Variants in SENP1 observed in about 807,000 individuals in gnomAD.
SENP1 encodes sentrin-specific protease 1.
A neutral mutation model predicts 93.0 loss-of-function variants in SENP1; 21 were observed. The observed-to-expected ratio is 0.23, with a 90% CI of 0.16 to 0.33. SENP1 has a LOEUF of 0.33. SENP1 is among the 10% of genes least tolerant of loss of function. The probability of loss-of-function intolerance (pLI) is 1.00; values close to 1 mark genes in which losing one functional copy is unlikely to be tolerated. For missense variants in SENP1, 591 were observed against 758.7 expected (o/e 0.78, Z 2.60); for synonymous variants, 256 against 259.6 (o/e 0.99, Z 0.13).
intron 4 of SENP1, among the ~76,000 whole-genome samples, chr12:48,094,475 T>C (rs1404704228): frequency 6.6e-6 from 1 of 151,292 alleles, no homozygotes; most frequent in Non-Finnish European, 1.5e-5. Flanking sequence ...AGGTCAGGAG[T>C]TCGAGAACAA....
intron 4 of SENP1, among the ~76,000 whole-genome samples, chr12:48,094,952 G>A (rs1945455448): frequency 6.6e-6 from 1 of 152,072 alleles, no homozygotes; most frequent in Admixed American, 6.6e-5. Flanking sequence ...CCAGATTTCA[G>A]ACTCTGTTCA....
chr12:48,055,105 G>A lies in SENP1; in HGVS notation c.1408-5973C>T, dbSNP rs984585885. ...GTCGCCGTGGTATTTTCTTTTAGCCGTGGCAGTCCAGTTACACTTTCTCTT... is the reference window on the plus strand; with the variant it reads ...GTCGCCGTGGTATTTTCTTTTAGCCATGGCAGTCCAGTTACACTTTCTCTT... On this transcript the variant is annotated intron_variant, in intron 13 of 17. Coordinates refer to ENST00000549518, the MANE Select transcript of SENP1 (RefSeq NM_001267594.2). 10 of 230,068 alleles carry A rather than the reference G, an allele frequency of 4.3e-5. 1 individual carries two copies. Among genetic ancestry groups the A allele is most frequent in the East Asian group, 1.0e-4 (1 of 9,794 alleles). The allele number at this position is 230,068 out of a possible 1,614,324, so 14.3% of individuals were successfully genotyped here.
At chr12:48,069,435 T>C (rs1023705587) in intron 9 of SENP1, among the ~76,000 whole-genome samples, 1 of 152,150 alleles carries the variant, frequency 6.6e-6, no homozygotes, top group African/African-American at 2.4e-5. Flanking sequence ...CAAACAGCCT[T>C]ACCCAACAGA....
rs147012663 is a variant in SENP1 at position 48,095,393 on chromosome 12, G to A, written c.220+950C>T. On this transcript the variant is annotated intron_variant, in intron 4 of 17. Coordinates refer to ENST00000549518, the MANE Select transcript of SENP1 (RefSeq NM_001267594.2). ...TCTACTAAAATTACAAAATTTAGCC[G>A]GGCGTGGTGGTGGGTGTCTGCAATC... Among the ~76,000 whole-genome samples, 1,460 of 151,946 alleles carry A rather than the reference G, an allele frequency of 9.6e-3. 27 individuals are homozygous for A. The highest frequency in any genetic ancestry group is 0.034 in the African/African-American group (1,397 of 41,436).
intron 13 of SENP1, 99 bp from the exon 14 acceptor site, chr12:48,049,231 A>G (rs1315498181): frequency 5.9e-6 from 5 of 845,272 alleles, no homozygotes; most frequent in African/African-American, 1.7e-5. Flanking sequence ...ATTGTTTCCT[A>G]ATAAACTGAA....
intron 6 of SENP1, among the ~76,000 whole-genome samples, chr12:48,077,900 T>C (rs538151796): frequency 6.6e-6 from 1 of 152,320 alleles, no homozygotes; most frequent in African/African-American, 2.4e-5. Context: ...CTGCTCATAA[T>C]TGCCTTGGCT....
intron 13 of SENP1, among the ~76,000 whole-genome samples, chr12:48,057,211 A>G (rs1942602728): frequency 7.2e-6 from 1 of 139,764 alleles, no homozygotes; most frequent in Non-Finnish European, 1.5e-5. Context: ...TATATTATTT[A>G]TTATATATAA....
At chr12:48,066,508 G>T (rs1452826912) in intron 10 of SENP1, among the ~76,000 whole-genome samples, 1 of 150,520 alleles carries the variant, frequency 6.6e-6, no homozygotes, top group Non-Finnish European at 1.5e-5. Context: ...GTATAAACAG[G>T]CACTTCTTTT....
intron 2 of SENP1, among the ~76,000 whole-genome samples, chr12:48,099,602 T>C (rs1356223149): frequency 1.3e-5 from 2 of 152,100 alleles, no homozygotes; most frequent in African/African-American, 4.8e-5. Context: ...GATCACTTAC[T>C]TGAGGCCAGG....
chr12:48,046,875 G>T lies in SENP1; in HGVS notation c.1776+103C>A. Reference sequence around the variant, plus strand: ...AACCAACCAACCAAGCTGAAGTCAGGCTAGACACGAACACAGGTGGTCCCT... The same window carrying T: ...AACCAACCAACCAAGCTGAAGTCAGTCTAGACACGAACACAGGTGGTCCCT... On this transcript the variant is annotated intron_variant, in intron 16 of 17. Transcript: ENST00000549518. The T allele has an allele frequency of 5.5e-6, 4 of 727,114 alleles. No individual in the cohort carries two copies. The South Asian group carries it at 7.0e-5, about 13-fold the overall frequency. 45.0% of individuals were successfully genotyped at this position (727,114 alleles called of 1,614,324 possible).
intron 4 of SENP1, among the ~76,000 whole-genome samples, chr12:48,094,445 C>T (rs76442529): frequency 0.23 from 34,503 of 151,852 alleles, 4,573 homozygotes; most frequent in East Asian, 0.55. Context: ...TCTGGGAGGC[C>T]GAGGCAGGTG....
intron 10 of SENP1, 61 bp downstream of exon 10, chr12:48,066,866 G>T: frequency 2.3e-6 from 3 of 1,302,994 alleles, no homozygotes; most frequent in East Asian, 5.0e-5. Flanking sequence ...CTAATTGTTT[G>T]ATTTCTTCTA....
At chr12:48,066,573 G>A (rs190368051) in intron 10 of SENP1, among the ~76,000 whole-genome samples, 2 of 150,728 alleles carry the variant, frequency 1.3e-5, no homozygotes, top group Non-Finnish European at 2.9e-5. Context: ...GTGCAGTGGC[G>A]TGATCTCGGC....
chr12:48,077,956 T>A (rs554580756), intron 6 of SENP1, among the ~76,000 whole-genome samples: 1 of 152,142 alleles, frequency 6.6e-6, no homozygotes, highest in Admixed American at 6.6e-5. Flanking sequence ...TTTTTTTCTA[T>A]GAAAAATAAC....
intron 14 of SENP1, 65 bp from the exon 15 acceptor site, chr12:48,048,145 C>A: frequency 9.9e-7 from 1 of 1,014,180 alleles, no homozygotes; most frequent in Non-Finnish European, 1.5e-6. Flanking sequence ...CAGTTTTTCC[C>A]TTCCCTGCCC....
At chr12:48,078,117 G>A (rs1262279085) in intron 6 of SENP1, among the ~76,000 whole-genome samples, 1 of 151,300 alleles carries the variant, frequency 6.6e-6, no homozygotes, top group Non-Finnish European at 1.5e-5. Context: ...ATGTTTTTCA[G>A]TATGTAGGTC....
rs1261271444 is a variant in SENP1, at chr12:48,071,668, T to C, written c.994A>G (p.Ser332Gly). 6.3e-7 allele frequency: 1 copy of C among 1,598,236 alleles called. No homozygotes were observed. The highest frequency in any genetic ancestry group is 8.6e-7 in the Non-Finnish European group (1 of 1,166,612). Reference protein sequence around the residue: ...KVKDSQTPTPSSTFFQAELWI... With the variant: ...KVKDSQTPTPGSTFFQAELWI... ...GAACAAGCTTTTTCCAAAGTTTACC[T>C]GGGAGTTGGAGTCTGGGAATCTTTC... is the stretch of plus-strand genomic sequence containing the variant. The change falls in exon 9 of 18, where the codon AGT becomes GGT. Residue 332 changes from serine (S) to glycine (G), a missense_variant and splice_region_variant. By Grantham distance (56) the Ser-to-Gly change is moderately conservative. Around this residue, in one of 4 missense-constraint regions of SENP1, gnomAD observed 238 missense variants for 259.1 expected, o/e 0.92. Transcript: ENST00000549518.
At position 48,083,693 on chromosome 12, in the gene SENP1, A is replaced by C. The variant is rs372268081; in HGVS notation, c.450T>G (p.Phe150Leu). 221 of 1,613,374 alleles carry C rather than the reference A, an allele frequency of 1.4e-4. No individual in the cohort carries two copies. The highest frequency in any genetic ancestry group is 1.8e-4 in the Non-Finnish European group (209 of 1,179,626). ...HCHVSAYEKS[F>L]PIKPVPSPSW... is the part of the protein sequence containing the mutation. Reference sequence around the variant, plus strand: ...ATGGACTTGGAACAGGTTTAATAGGAAAAGATTTTTCATATGCAGATACAT... The same window carrying C: ...ATGGACTTGGAACAGGTTTAATAGGCAAAGATTTTTCATATGCAGATACAT... Residue 150 changes from phenylalanine (F) to leucine (L), a missense_variant, in exon 6 of 18, where the codon TTT (phenylalanine) becomes TTG (leucine). This residue lies in a region of SENP1 where 214 missense variants were observed against 243.4 expected (regional missense o/e 0.88). Transcript: ENST00000549518.
chr12:48,103,654 G>A (rs1448759245), intron 1 of SENP1, among the ~76,000 whole-genome samples: 1 of 106,536 alleles, frequency 9.4e-6, no homozygotes, highest in Non-Finnish European at 2.1e-5. Context: ...TCAAGCAACT[G>A]TAAAAATGTT....
Sources: gnomAD v4.1 joint callset for allele counts (sites outside exome capture counted in the v4.1 genomes callset) on GRCh38, gnomAD v4.1.1 for gene constraint, gnomAD v4.1.1 regional missense constraint, MANE v1.5 for transcripts, NCBI Gene and HGNC (gene_info 2026-07-23, HGNC 2026-07-21) for gene names.